FRY: variants seen among roughly 807,000 people sequenced by gnomAD.
The protein encoded by FRY is FRY microtubule binding protein, also known as protein furry homolog.
A neutral mutation model predicts 348.4 loss-of-function variants in FRY; 128 were observed. The observed-to-expected ratio is 0.37, with a 90% CI of 0.32 to 0.43. The LOEUF (loss-of-function observed/expected upper bound fraction) is 0.43. Ranked by LOEUF, FRY falls within the 20% of genes least tolerant of loss-of-function variation. The probability of loss-of-function intolerance (pLI) is 1.00; values close to 1 mark genes in which losing one functional copy is unlikely to be tolerated. For synonymous variants in FRY, 1,370 were observed against 1,374.7 expected, an observed-to-expected ratio of 1.00 and a Z score of 0.08; for missense variants, 2,736 against 3,695.2, an observed-to-expected ratio of 0.74 and a Z score of 6.73.
At chr13:32,065,157 T>C (rs993072141) in intron 1 of FRY, among the ~76,000 whole-genome samples, 1 of 152,238 alleles carries the variant, frequency 6.6e-6, no homozygotes, top group Non-Finnish European at 1.5e-5. Flanking sequence ...ATGAGTCTTA[T>C]CTTTTAAAAA....
chr13:32,231,048 T>G, intron 40 of FRY, 131 bp from the exon 41 acceptor site: 1 of 708,018 alleles, frequency 1.4e-6, no homozygotes, highest in Non-Finnish European at 2.3e-6. Context: ...ATGCTGGGAT[T>G]AGATCTTTGT....
intron 18 of FRY, among the ~76,000 whole-genome samples, chr13:32,172,081 T>C (rs1427936862): frequency 6.6e-6 from 1 of 152,042 alleles, no homozygotes; most frequent in African/African-American, 2.4e-5. Flanking sequence ...GGTGTGGATG[T>C]AGATAGGATA....
chr13:32,239,939 C>A lies in FRY; in HGVS notation c.6687+58C>A. ...GTCTCATTATGTTGCCCAGGCTGATCTCAACTCTTGGGCTCAAGCAGTCCT... is the reference window on the plus strand; with the variant it reads ...GTCTCATTATGTTGCCCAGGCTGATATCAACTCTTGGGCTCAAGCAGTCCT... On this transcript the variant is annotated intron_variant, in intron 46 of 60. Transcript: ENST00000542859. This position sits in a 1 kb window ranked among gnomAD's most constrained non-coding sequence, Gnocchi z 4.3. 2 of 1,476,980 alleles carry A rather than the reference C, an allele frequency of 1.4e-6. No homozygotes were observed. Among genetic ancestry groups the A allele is most frequent in the Non-Finnish European group, 1.9e-6 (2 of 1,070,344 alleles). 91.5% of individuals were successfully genotyped at this position (1,476,980 alleles called of 1,614,324 possible).
At chr13:32,059,381 G>T (rs1380964575) in intron 1 of FRY, among the ~76,000 whole-genome samples, 1 of 134,430 alleles carries the variant, frequency 7.4e-6, no homozygotes, top group Non-Finnish European at 1.5e-5. Flanking sequence ...ACTTTTGACA[G>T]AATTAAAAGG....
chr13:32,193,491 A>G (rs1378895137), intron 28 of FRY, among the ~76,000 whole-genome samples: 2 of 152,194 alleles, frequency 1.3e-5, no homozygotes, highest in African/African-American at 4.8e-5. Context: ...GAGCTAATAC[A>G]TAGAGGATAC....
intron 3 of FRY, among the ~76,000 whole-genome samples, chr13:32,116,963 C>A (rs939161254): frequency 2.0e-5 from 3 of 152,082 alleles, no homozygotes; most frequent in Admixed American, 6.6e-5. Context: ...TAACTGTATT[C>A]ATATATTTAT....
chr13:32,203,872 C>T (rs1190310008), intron 31 of FRY, among the ~76,000 whole-genome samples: 1 of 152,198 alleles, frequency 6.6e-6, no homozygotes, highest in African/African-American at 2.4e-5. Flanking sequence ...TCAGTCCTTC[C>T]CTGCCTCTGC....
chr13:32,084,112 C>T (rs896973142), intron 2 of FRY, among the ~76,000 whole-genome samples: 3 of 152,124 alleles, frequency 2.0e-5, no homozygotes, highest in African/African-American at 4.8e-5. Context: ...CTGAGCCCAT[C>T]GTCCTGCCTG....
At chr13:32,142,624 A>G (rs1880146798) in intron 11 of FRY, among the ~76,000 whole-genome samples, 1 of 152,192 alleles carries the variant, frequency 6.6e-6, no homozygotes, top group Admixed American at 6.5e-5. Context: ...ATTCCATACA[A>G]GTGCAAGATA....
At chr13:32,194,029 C>A in intron 28 of FRY, 114 bp from the exon 29 acceptor site, 1 of 1,064,360 alleles carries the variant, frequency 9.4e-7, no homozygotes. Context: ...AAAATGAAAG[C>A]TCGGTCTTCC....
Position 32,261,754 on chromosome 13 carries a change from T to G in FRY, c.7555T>G (p.Ser2519Ala). Residue 2519 changes from serine to alanine, a missense_variant, in exon 52 of 61, where the codon TCC (serine) becomes GCC (alanine). Ser to Ala is a moderately conservative substitution (Grantham distance 99). Coordinates refer to ENST00000542859, the MANE Select transcript of FRY (RefSeq NM_023037.3). ...CCTGAATAAAATGCACCATGAGGACTCCGATGAATCATCCGAGGAGGAGGA... is the reference window on the plus strand; with the variant it reads ...CCTGAATAAAATGCACCATGAGGACGCCGATGAATCATCCGAGGAGGAGGA... ...PSLNKMHHEDSDESSEEEDLT... is the reference protein window; with the variant it reads ...PSLNKMHHEDADESSEEEDLT... 1 of 1,614,174 alleles carries G rather than the reference T, an allele frequency of 6.2e-7. No individual in the cohort carries two copies. The highest frequency in any genetic ancestry group is 8.5e-7 in the Non-Finnish European group (1 of 1,180,032).
intron 2 of FRY, among the ~76,000 whole-genome samples, chr13:32,095,841 C>T (rs1305350199): frequency 1.3e-5 from 2 of 152,162 alleles, no homozygotes; most frequent in Non-Finnish European, 2.9e-5. Flanking sequence ...CTGAGACTTA[C>T]GGATCTTTCC....
rs113024231 is a variant in FRY, at chr13:32,110,748, A to G, written c.325-6586A>G. Among the ~76,000 whole-genome samples, 1,151 of 152,344 alleles carry G rather than the reference A, an allele frequency of 7.6e-3. 8 individuals carry two copies. The highest frequency in any genetic ancestry group is 0.011 in the Non-Finnish European group (746 of 68,032). Reference sequence around the variant, plus strand: ...ATATAAACATACAATGTGTTAAATAATACCAAAAATTGTATGCTGTACAAT... The same window carrying G: ...ATATAAACATACAATGTGTTAAATAGTACCAAAAATTGTATGCTGTACAAT... On this transcript the variant is annotated intron_variant, in intron 3 of 60. Transcript: ENST00000542859.
intron 22 of FRY, among the ~76,000 whole-genome samples, 172 bp from the exon 23 acceptor site, chr13:32,179,503 T>TGTGTGTGTGTGTGTGTGTG (rs1882570010): frequency 7.3e-6 from 1 of 137,552 alleles, no homozygotes; most frequent in Non-Finnish European, 1.6e-5. Context: ...TGTATTAAAT[T>TGTGTGTGTGTGTGTGTGTG]TGTGTGTGTG....
chr13:32,133,200 TTA>T (rs1329595353), intron 8 of FRY, among the ~76,000 whole-genome samples: 3 of 152,204 alleles, frequency 2.0e-5, no homozygotes, highest in Non-Finnish European at 4.4e-5. Flanking sequence ...ACTACATAAA[TTA>T]TGTCACAATA....
intron 2 of FRY, among the ~76,000 whole-genome samples, chr13:32,095,052 G>T (rs1031517522): frequency 2.0e-5 from 3 of 152,180 alleles, no homozygotes; most frequent in Non-Finnish European, 4.4e-5. Flanking sequence ...TTTAACTGGG[G>T]TGTGATGGTT....
At chr13:32,149,958 A>C in intron 14 of FRY, 124 bp downstream of exon 14, 1 of 698,804 alleles carries the variant, frequency 1.4e-6, no homozygotes, top group Non-Finnish European at 2.6e-6. Flanking sequence ...TGTTTCTGTC[A>C]ATGTCCAAAT....
At chr13:32,164,981 T>C (rs1184973558) in intron 17 of FRY, among the ~76,000 whole-genome samples, 1 of 152,240 alleles carries the variant, frequency 6.6e-6, no homozygotes, top group African/African-American at 2.4e-5. Flanking sequence ...TCAGCAAATG[T>C]TAGTTTATTA....
At chr13:32,218,863 G>T in intron 36 of FRY, 32 bp downstream of exon 36, 1 of 1,234,546 alleles carries the variant, frequency 8.1e-7, no homozygotes, top group South Asian at 1.2e-5. Flanking sequence ...GCTTTCAGAC[G>T]GAACGCAAGT....
Sources: allele counts gnomAD v4.1 joint callset (sites outside exome capture counted in the v4.1 genomes callset), GRCh38; gene constraint gnomAD v4.1.1; non-coding constraint Gnocchi (gnomAD v3.1); transcripts MANE v1.5; gene names NCBI Gene and HGNC (gene_info 2026-07-23, HGNC 2026-07-21).